Variants in TFDP1 observed in about 807,000 individuals in gnomAD.
TFDP1 encodes DRTF1-polypeptide 1.
In TFDP1, 6 loss-of-function variants were observed where a neutral mutation model predicts 48.0. The ratio of observed to expected loss-of-function variants is 0.13; its 90% CI spans 0.07 to 0.25. TFDP1 has a LOEUF of 0.25. Among genes scored for constraint, TFDP1 ranks in the 10% least tolerant of loss-of-function variants. TFDP1 has a pLI of 1.00. For synonymous variants in TFDP1, 201 were observed against 211.6 expected, an observed-to-expected ratio of 0.95 and a Z score of 0.44; for missense variants, 335 against 543.0, an observed-to-expected ratio of 0.62 and a Z score of 3.81.
intron 2 of TFDP1, among the ~76,000 whole-genome samples, chr13:113,597,823 C>A (rs532587171): frequency 1.3e-3 from 191 of 152,344 alleles, no homozygotes; most frequent in African/African-American, 4.2e-3. Context: ...GAGCCAGCAT[C>A]CAGACACGCT....
intron 3 of TFDP1, among the ~76,000 whole-genome samples, chr13:113,621,585 C>T (rs1376083320): frequency 6.6e-6 from 1 of 152,224 alleles, no homozygotes. Context: ...CCAGGCCATA[C>T]AGAGATAGGA....
In TFDP1 at chr13:113,595,879, G is replaced by C. The variant is rs536967203; in HGVS notation, c.12+10030G>C. On this transcript the variant is annotated intron_variant, in intron 2 of 11. Transcript: ENST00000375370. ...GGGCGGATCACAAGGTCAGGATATC[G>C]AGACCATCCTGGCTAACATGGTGAA... Among the ~76,000 whole-genome samples, 9 of 152,276 alleles carry C rather than the reference G, an allele frequency of 5.9e-5. No individual in the cohort carries two copies. In the South Asian group the frequency reaches 1.9e-3, roughly 32 times the overall value.
chr13:113,625,391 C>CGTCTCACGTGTCCTCAGGT (rs1594506624), intron 4 of TFDP1, among the ~76,000 whole-genome samples: 1 of 62,146 alleles, frequency 1.6e-5, no homozygotes, highest in Non-Finnish European at 2.9e-5. Flanking sequence ...TGTCCTCAGG[C>CGTCTCACGTGTCCTCAGGT]GTCTCACGTG....
Position 113,640,903 on chromosome 13 carries a change from C to G in TFDP1, c.*636C>G, listed in dbSNP as rs1473894894. On this transcript the variant is annotated 3_prime_UTR_variant, in exon 12 of 12. Coordinates refer to ENST00000375370, the MANE Select transcript of TFDP1 (RefSeq NM_007111.5). ...CTTTTCTCTCCCTGTTTTGCAGCAA[C>G]AAATTGCGAAGTGCTTTTGTTTGTT... 1 of 152,878 alleles carries G rather than the reference C, an allele frequency of 6.5e-6. No homozygotes were observed. Among genetic ancestry groups the G allele is most frequent in the African/African-American group, 2.4e-5 (1 of 41,452 alleles). The allele number at this position is 152,878 out of a possible 1,614,324, so 9.5% of individuals were successfully genotyped here.
At chr13:113,586,021 G>A in intron 2 of TFDP1, 172 bp downstream of exon 2, 1 of 679,636 alleles carries the variant, frequency 1.5e-6, no homozygotes, top group Non-Finnish European at 2.3e-6. Flanking sequence ...TCTGATCTCT[G>A]AAGCTGCGGT....
intron 3 of TFDP1, among the ~76,000 whole-genome samples, chr13:113,618,981 C>T (rs1185111223): frequency 6.6e-6 from 1 of 152,252 alleles, no homozygotes; most frequent in East Asian, 1.9e-4. Context: ...AAAGTGAGTA[C>T]GTCCCTGCAG....
rs2049474257 is a variant in TFDP1, at chr13:113,635,923, G to A, written c.688-54G>A. ...GGGCTGTGAGGACCCCTCGAGCACAGGGGCTGCGTTCTTGTGCCGCCACGG... is the reference window on the plus strand; with the variant it reads ...GGGCTGTGAGGACCCCTCGAGCACAAGGGCTGCGTTCTTGTGCCGCCACGG... On this transcript the variant is annotated intron_variant, in intron 8 of 11. Coordinates refer to ENST00000375370, the MANE Select transcript of TFDP1 (RefSeq NM_007111.5). 1.9e-6 allele frequency: 3 copies of A among 1,580,866 alleles called. No homozygotes were observed. In the South Asian group the frequency reaches 3.5e-5, roughly 18 times the overall value.
intron 2 of TFDP1, among the ~76,000 whole-genome samples, chr13:113,605,679 A>G (rs951188779): frequency 6.6e-6 from 1 of 152,248 alleles, no homozygotes; most frequent in African/African-American, 2.4e-5. Context: ...CCGCTTGAGT[A>G]TCCTCACACC....
intron 2 of TFDP1, among the ~76,000 whole-genome samples, chr13:113,596,288 A>C (rs2048287923): frequency 6.6e-6 from 1 of 152,220 alleles, no homozygotes; most frequent in African/African-American, 2.4e-5. Context: ...CTTTGTTTTC[A>C]TGCCTGAGTT....
chr13:113,634,912 C>CAT (rs796942512), intron 8 of TFDP1, among the ~76,000 whole-genome samples: 3 of 151,074 alleles, frequency 2.0e-5, no homozygotes, highest in Admixed American at 6.6e-5. Flanking sequence ...TGCCTGTGTG[C>CAT]GTGTGTGTGT....
Position 113,623,837 on chromosome 13 carries a change from A to C in TFDP1, c.186+551A>C, listed in dbSNP as rs1594500117. ...CCCCTCCCCAGGCTGATGCTGGCCA[A>C]CTGATGCTGCTTCTCATAATGCTGT... On this transcript the variant is annotated intron_variant, in intron 4 of 11. Transcript: ENST00000375370. The surrounding 1 kb of genome is among the most constrained non-coding windows in gnomAD (Gnocchi z 5.2). Among the ~76,000 whole-genome samples, 1 of 152,224 alleles carries C rather than the reference A, an allele frequency of 6.6e-6. No individual in the cohort carries two copies. The highest frequency in any genetic ancestry group is 1.9e-4 in the East Asian group (1 of 5,158).
chr13:113,628,081 G>A (rs113514699), intron 4 of TFDP1, among the ~76,000 whole-genome samples: 58 of 152,340 alleles, frequency 3.8e-4, no homozygotes, highest in East Asian at 2.5e-3. Flanking sequence ...GACTGTGTCT[G>A]AAGCCGTGTA....
intron 4 of TFDP1, among the ~76,000 whole-genome samples, chr13:113,628,523 C>T (rs576857444): frequency 6.6e-6 from 1 of 152,170 alleles, no homozygotes; most frequent in Non-Finnish European, 1.5e-5. Flanking sequence ...GTGTCCCTGG[C>T]GCCTTTCAGC....
At chr13:113,621,074 C>T (rs963306389) in intron 3 of TFDP1, among the ~76,000 whole-genome samples, 1 of 152,168 alleles carries the variant, frequency 6.6e-6, no homozygotes, top group African/African-American at 2.4e-5. Flanking sequence ...TAAAGGGCCC[C>T]AAAATGAAAC....
At chr13:113,604,431 C>T (rs1049909957) in intron 2 of TFDP1, among the ~76,000 whole-genome samples, 2 of 152,200 alleles carry the variant, frequency 1.3e-5, no homozygotes, top group Non-Finnish European at 2.9e-5. Flanking sequence ...CCCAGACTCA[C>T]ACCCACACTC....
At chr13:113,625,601 T>C (rs1392621354) in intron 4 of TFDP1, among the ~76,000 whole-genome samples, 1 of 91,314 alleles carries the variant, frequency 1.1e-5, no homozygotes. Context: ...GTCTCTCACG[T>C]GTCTTCAGGC....
chr13:113,628,960 T>C (rs575898486), intron 4 of TFDP1, among the ~76,000 whole-genome samples: 13 of 152,240 alleles, frequency 8.5e-5, no homozygotes, highest in African/African-American at 3.1e-4. Context: ...CCGGCCCGAG[T>C]TCACCGGCTT....
intron 2 of TFDP1, among the ~76,000 whole-genome samples, chr13:113,595,873 G>T (rs1043975885): frequency 6.6e-6 from 1 of 152,168 alleles, no homozygotes; most frequent in East Asian, 1.9e-4. Context: ...ACAAGGTCAG[G>T]ATATCGAGAC....
At chr13:113,612,902 A>G (rs1301804929) in intron 3 of TFDP1, among the ~76,000 whole-genome samples, 1 of 152,150 alleles carries the variant, frequency 6.6e-6, no homozygotes, top group Non-Finnish European at 1.5e-5. Flanking sequence ...CCCGGCCCCC[A>G]GATCCCTCCC....
Sources: allele counts gnomAD v4.1 joint callset (sites outside exome capture counted in the v4.1 genomes callset), GRCh38; gene constraint gnomAD v4.1.1; non-coding constraint Gnocchi (gnomAD v3.1); transcripts MANE v1.5; gene names NCBI Gene and HGNC (gene_info 2026-07-23, HGNC 2026-07-21).